ZNF236: variants seen among roughly 807,000 people sequenced by gnomAD.
ZNF236 encodes regulated by glucose.
In ZNF236, 50 loss-of-function variants were observed where a neutral mutation model predicts 191.2. The ratio of observed to expected loss-of-function variants is 0.26; its 90% CI spans 0.21 to 0.33. The LOEUF is 0.33. Among genes scored for constraint, ZNF236 ranks in the 10% least tolerant of loss-of-function variants. The probability of loss-of-function intolerance (pLI) is 1.00; values close to 1 mark genes in which losing one functional copy is unlikely to be tolerated. For missense variants in ZNF236, 1,754 were observed against 2,374.5 expected (o/e 0.74, Z 5.43); for synonymous variants, 907 against 928.8 (o/e 0.98, Z 0.43).
At chr18:76,917,178 C>G (rs1967390819) in intron 19 of ZNF236, among the ~76,000 whole-genome samples, 1 of 152,194 alleles carries the variant, frequency 6.6e-6, no homozygotes, top group Non-Finnish European at 1.5e-5. Context: ...TCTGATGATA[C>G]TTAGTAAAGC....
rs74747836 is a variant in ZNF236 at position 76,896,436 on chromosome 18, T to C, written c.1690+1151T>C. 8.6e-3 allele frequency among the ~76,000 whole-genome samples: 1,194 copies of C among 139,206 alleles called. 10 individuals are homozygous for C. The highest frequency in any genetic ancestry group is 0.031 in the African/African-American group (1,114 of 36,224). 91.3% of individuals were successfully genotyped at this position (139,206 alleles called of 152,430 possible). The stretch of plus-strand genomic sequence containing the variant: ...TACTACACACAAGTACCAAACACAA[T>C]ACTAAATACAGGTACCACACACAGG... On this transcript the variant is annotated intron_variant, in intron 10 of 30. Transcript: ENST00000320610.
intron 2 of ZNF236, among the ~76,000 whole-genome samples, chr18:76,851,408 G>A (rs1975865416): frequency 6.6e-6 from 1 of 151,978 alleles, no homozygotes; most frequent in South Asian, 2.1e-4. Context: ...TGGGATTACA[G>A]GCGTGAGCCA....
intron 5 of ZNF236, among the ~76,000 whole-genome samples, chr18:76,872,908 T>C (rs1317135895): frequency 6.6e-6 from 1 of 152,254 alleles, no homozygotes; most frequent in African/African-American, 2.4e-5. Flanking sequence ...TCTATTATGT[T>C]ACATTGCTTT....
Position 76,972,026 on chromosome 18 carries a change from A to G in ZNF236, c.*3687A>G, listed in dbSNP as rs1968914097. 6.6e-6 allele frequency among the ~76,000 whole-genome samples: 1 copy of G among 152,174 alleles called. No homozygotes were observed. Among genetic ancestry groups the G allele is most frequent in the Admixed American group, 6.5e-5 (1 of 15,268 alleles). On this transcript the variant is annotated 3_prime_UTR_variant, in exon 31 of 31. Coordinates refer to ENST00000320610, the MANE Select transcript of ZNF236 (RefSeq NM_001306089.2). ...AGGAAGTAAGTGAGGCAGAGATGAG[A>G]TTATGCGGCGGATACTTCTGAAGGA...
chr18:76,937,521 G>A (rs1215683267), intron 26 of ZNF236, among the ~76,000 whole-genome samples, 178 bp downstream of exon 26: 4 of 152,042 alleles, frequency 2.6e-5, no homozygotes, highest in Non-Finnish European at 5.9e-5. Flanking sequence ...TTCAGATAAT[G>A]TAGAAGAACA....
At chr18:76,823,512 C>G (rs924895504) in intron 1 of ZNF236, among the ~76,000 whole-genome samples, 2 of 151,126 alleles carry the variant, frequency 1.3e-5, no homozygotes, top group African/African-American at 4.9e-5. Context: ...CAGTAGGCAT[C>G]AGTGTTATGT....
chr18:76,913,398 A>C (rs1417574540), intron 17 of ZNF236, among the ~76,000 whole-genome samples: 1 of 152,212 alleles, frequency 6.6e-6, no homozygotes, highest in Non-Finnish European at 1.5e-5. Context: ...CTAACGACTT[A>C]ATAAAGAAAA....
At chr18:76,949,961 T>C (rs906783428) in intron 27 of ZNF236, among the ~76,000 whole-genome samples, 1 of 9,798 alleles carries the variant, frequency 1.0e-4, no homozygotes, top group Non-Finnish European at 4.1e-4. Flanking sequence ...CTGACCAGCA[T>C]TACGTTTTTT....
At chr18:76,921,772 C>T (rs572713957) in intron 20 of ZNF236, among the ~76,000 whole-genome samples, 4 of 118,440 alleles carry the variant, frequency 3.4e-5, no homozygotes, top group African/African-American at 9.7e-5. Flanking sequence ...GTTGGAGTCT[C>T]GCTCTGTCGC....
intron 1 of ZNF236, among the ~76,000 whole-genome samples, chr18:76,831,436 AT>A (rs1178346243): frequency 6.6e-6 from 1 of 152,192 alleles, no homozygotes; most frequent in East Asian, 1.9e-4. Flanking sequence ...ATCCATTTAC[AT>A]TTTGAAGGAC....
rs1012934818 is a variant in ZNF236, at chr18:76,972,114, A to G, written c.*3775A>G. 2.6e-5 allele frequency among the ~76,000 whole-genome samples: 4 copies of G among 152,202 alleles called. No homozygotes were observed. Among genetic ancestry groups the G allele is most frequent in the Non-Finnish European group, 5.9e-5 (4 of 68,026 alleles). Reference sequence around the variant, plus strand: ...ACTTAGGCACTTTGGATTTTTTAGAATGAAATTTCAAAAGCGCCTACACGC... The same window carrying G: ...ACTTAGGCACTTTGGATTTTTTAGAGTGAAATTTCAAAAGCGCCTACACGC... On this transcript the variant is annotated 3_prime_UTR_variant, in exon 31 of 31. Coordinates refer to ENST00000320610, the MANE Select transcript of ZNF236 (RefSeq NM_001306089.2).
In ZNF236 at chr18:76,880,022, G is replaced by A; in HGVS notation, c.985-91G>A. The A allele has an allele frequency of 8.9e-7, 1 of 1,125,120 alleles. No individual in the cohort carries two copies. 69.7% of individuals were successfully genotyped at this position (1,125,120 alleles called of 1,614,324 possible). A position where few individuals can be genotyped will look rare whatever the true frequency, so the allele number is the denominator to read the frequency against. On this transcript the variant is annotated intron_variant, in intron 7 of 30. Transcript: ENST00000320610. This position sits in a 1 kb window ranked among gnomAD's most constrained non-coding sequence, Gnocchi z 5.0. ...TACTCTTAGATTTTAACACCCTTAA[G>A]GAGGGTATTGCCTGTTTTTTTTTTT...
chr18:76,956,320 G>A (rs2122950493), intron 28 of ZNF236, 138 bp downstream of exon 28: 2 of 975,410 alleles, frequency 2.1e-6, no homozygotes, highest in South Asian at 2.8e-5. Flanking sequence ...GTCACTAGAT[G>A]TAGATGTATT....
intron 26 of ZNF236, among the ~76,000 whole-genome samples, chr18:76,944,794 T>C (rs936198207): frequency 1.3e-5 from 2 of 152,176 alleles, no homozygotes; most frequent in African/African-American, 4.8e-5. Context: ...AAAAAAAGAA[T>C]ACTTAATTAA....
rs1968916768 is a variant in ZNF236 at position 76,972,217 on chromosome 18, A to G, written c.*3878A>G. ...ATTCTAATGAAAAGATCGTACGCCA[A>G]AGGCCACTGAGCTGGCATCTTCTTC... On this transcript the variant is annotated 3_prime_UTR_variant, in exon 31 of 31. Transcript: ENST00000320610. 6.6e-6 allele frequency among the ~76,000 whole-genome samples: 1 copy of G among 152,248 alleles called. No homozygotes were observed. Among genetic ancestry groups the G allele is most frequent in the Non-Finnish European group, 1.5e-5 (1 of 68,052 alleles).
intron 25 of ZNF236, chr18:76,936,425 GTGTC>G: frequency 2.2e-6 from 1 of 456,618 alleles, no homozygotes; most frequent in Non-Finnish European, 4.4e-6. Flanking sequence ...AGGTACATGA[GTGTC>G]TGTTTTGTAA....
chr18:76,949,134 T>G (rs1968344471), intron 27 of ZNF236, among the ~76,000 whole-genome samples: 1 of 152,198 alleles, frequency 6.6e-6, no homozygotes, highest in African/African-American at 2.4e-5. Flanking sequence ...TCATGATGCT[T>G]TTGTAGTGAA....
intron 3 of ZNF236, among the ~76,000 whole-genome samples, chr18:76,868,484 G>T (rs1324339172): frequency 1.3e-5 from 2 of 152,156 alleles, no homozygotes; most frequent in Admixed American, 1.3e-4. Context: ...TTCCAATAAA[G>T]AAATGATTTT....
chr18:76,931,417 C>T (rs1192537511), intron 25 of ZNF236, among the ~76,000 whole-genome samples: 2 of 152,200 alleles, frequency 1.3e-5, no homozygotes, highest in Non-Finnish European at 2.9e-5. Context: ...AAAATTCTCT[C>T]TAATGTTACC....
Sources: gnomAD v4.1 joint callset for allele counts (sites outside exome capture counted in the v4.1 genomes callset) on GRCh38, gnomAD v4.1.1 for gene constraint, Gnocchi (gnomAD v3.1) non-coding constraint, MANE v1.5 for transcripts, NCBI Gene and HGNC (gene_info 2026-07-23, HGNC 2026-07-21) for gene names.